The following MARF1 variants were observed in gnomAD, a reference collection of about 807,000 sequenced individuals.
MARF1 encodes the protein limkain-b1.
MARF1 carries 24 observed loss-of-function variants against 168.2 expected under a neutral mutation model. The ratio of observed to expected loss-of-function variants is 0.14; its 90% CI spans 0.10 to 0.20. The LOEUF is 0.20. Ranked by LOEUF, MARF1 falls within the 10% of genes least tolerant of loss-of-function variation. The probability of loss-of-function intolerance (pLI) is 1.00; values close to 1 mark genes in which losing one functional copy is unlikely to be tolerated. For missense variants in MARF1, 1,744 were observed against 2,143.6 expected, an observed-to-expected ratio of 0.81 and a Z score of 3.68; for synonymous variants, 868 against 822.4, an observed-to-expected ratio of 1.06 and a Z score of -0.95.
At chr16:15,629,471 C>T (rs34905619) in intron 7 of MARF1, among the ~76,000 whole-genome samples, 2,179 of 152,266 alleles carry the variant, frequency 0.014, 38 homozygotes, top group African/African-American at 0.035. Flanking sequence ...ACCAATGACA[C>T]GTTTACTTTT....
intron 17 of MARF1, among the ~76,000 whole-genome samples, chr16:15,612,144 G>A (rs1567547362): frequency 6.6e-6 from 1 of 152,186 alleles, no homozygotes; most frequent in East Asian, 1.9e-4. Context: ...AGGATCCAGT[G>A]CTACACTCTA....
chr16:15,607,471 C>T (rs558818716), intron 21 of MARF1, among the ~76,000 whole-genome samples: 1 of 152,238 alleles, frequency 6.6e-6, no homozygotes, highest in East Asian at 1.9e-4. Context: ...ATCTCTTGAA[C>T]CTGGGAGGCG....
At position 15,608,502 on chromosome 16, in the gene MARF1, T is replaced by A; in HGVS notation, c.3971A>T (p.Glu1324Val). 1 of 1,613,684 alleles carries A rather than the reference T, an allele frequency of 6.2e-7. No homozygotes were observed. The highest frequency in any genetic ancestry group is 1.3e-5 in the African/African-American group (1 of 74,988). The change falls in exon 21 of 27, where the codon GAA becomes GTA. Residue 1324 changes from glutamate (E) to valine (V), a missense_variant. Transcript: ENST00000396368. ...CTCTGTCAGAGTAAGGATCTTTTCT[T>A]CTCCACATTCCAATACCTTTGAAAA... ...PDTLQVLECG[E>V]EKILTLTEVE...
At chr16:15,608,597 C>T in intron 20 of MARF1, 79 bp from the exon 21 acceptor site, 1 of 1,017,838 alleles carries the variant, frequency 9.8e-7, no homozygotes, top group Non-Finnish European at 1.5e-6. Context: ...AAGTATGCAG[C>T]TAGTAATGAA....
At chr16:15,620,661 A>G in intron 12 of MARF1, 130 bp from the exon 13 acceptor site, 1 of 597,580 alleles carries the variant, frequency 1.7e-6, no homozygotes, top group Non-Finnish European at 2.9e-6. Flanking sequence ...GTCAGAATGT[A>G]TTTTCCAGAA....
rs1050327142 is a variant in MARF1 at position 15,620,193 on chromosome 16, C to CA, written c.2720+257dup. Reference sequence around the variant, plus strand: ...AAAAATTAAAAAACAAACAAACAAACAAAAAAAACAAACTAAAGCTAGTCA... The same window carrying CA: ...AAAAATTAAAAAACAAACAAACAAACAAAAAAAAACAAACTAAAGCTAGTCA... On this transcript the variant is annotated intron_variant, in intron 13 of 26. Transcript: ENST00000396368. Among the ~76,000 whole-genome samples the CA allele has an allele frequency of 5.8e-4, 88 of 151,682 alleles. No individual in the cohort carries two copies. In the South Asian group the frequency reaches 0.014, roughly 24 times the overall value.
intron 21 of MARF1, 29 bp downstream of exon 21, chr16:15,608,260 GAA>G (rs748965777): frequency 0.04 from 31,662 of 790,012 alleles, no homozygotes; most frequent in Middle Eastern, 0.051. Context: ...TCCCATGAGG[GAA>G]AAAAAAAAAA....
chr16:15,614,168 T>G (rs2151131408), intron 16 of MARF1, among the ~76,000 whole-genome samples: 1 of 152,258 alleles, frequency 6.6e-6, no homozygotes, highest in Non-Finnish European at 1.5e-5. Context: ...TTCAAATACC[T>G]GAAAGTACTT....
intron 7 of MARF1, among the ~76,000 whole-genome samples, chr16:15,629,581 T>G (rs2035111705): frequency 6.6e-6 from 1 of 152,248 alleles, no homozygotes; most frequent in African/African-American, 2.4e-5. Context: ...ATGTGAAGAC[T>G]TTCATTTAAC....
chr16:15,594,847 G>C lies in MARF1; in HGVS notation c.*1846C>G, dbSNP rs2031529677. 1 of 152,568 alleles carries C rather than the reference G, an allele frequency of 6.6e-6. No individual in the cohort carries two copies. Among genetic ancestry groups the C allele is most frequent in the African/African-American group, 2.4e-5 (1 of 41,412 alleles). 9.5% of individuals were successfully genotyped at this position (152,568 alleles called of 1,614,324 possible). On this transcript the variant is annotated 3_prime_UTR_variant, in exon 27 of 27. Coordinates refer to ENST00000396368, the MANE Select transcript of MARF1 (RefSeq NM_014647.4). ...GAATGGTACTCAGACACACTCACGG[G>C]ACAGCACAGAACTTGATTCTTCTTT...
intron 26 of MARF1, among the ~76,000 whole-genome samples, chr16:15,598,576 G>C (rs1340916319): frequency 6.6e-6 from 1 of 152,058 alleles, no homozygotes; most frequent in Non-Finnish European, 1.5e-5. Context: ...AAGCCCAGGA[G>C]GCCCCACCCA....
chr16:15,596,760 T>C lies in MARF1; in HGVS notation c.5162A>G (p.Lys1721Arg), dbSNP rs759860751. 7 of 1,612,350 alleles carry C rather than the reference T, an allele frequency of 4.3e-6. 1 individual carries two copies. The South Asian group carries it at 7.7e-5, about 18-fold the overall frequency. The change falls in exon 27 of 27, where the codon AAA (lysine) becomes AGA (arginine). Residue 1721 changes from lysine (K) to arginine (R), a missense_variant. Lys to Arg is a conservative substitution (Grantham distance 26). Coordinates refer to ENST00000396368, the MANE Select transcript of MARF1 (RefSeq NM_014647.4). ...LSKDPVESPA[K>R]KQPKNRVKLA... Reference sequence around the variant, plus strand: ...TTTGACTCTATTTTTGGGTTGCTTTTTGGCCGGGCTTTCCACGGGGTCCTT... The same window carrying C: ...TTTGACTCTATTTTTGGGTTGCTTTCTGGCCGGGCTTTCCACGGGGTCCTT...
rs2034110682 is a variant in MARF1, at chr16:15,617,049, C to T, written c.3077+3G>A. ...TATCGACAAAGGCTTTGAGATGGTT[C>T]ACCTCAATAAAGGCACGGTGCCCTC... On this transcript the variant is annotated splice_donor_region_variant and intron_variant, in intron 15 of 26. Transcript: ENST00000396368. The T allele has an allele frequency of 6.2e-7, 1 of 1,609,742 alleles. No individual in the cohort carries two copies. The highest frequency in any genetic ancestry group is 1.1e-5 in the South Asian group (1 of 90,166).
At chr16:15,631,174 C>T (rs1170694435) in intron 6 of MARF1, among the ~76,000 whole-genome samples, 1 of 152,028 alleles carries the variant, frequency 6.6e-6, no homozygotes, top group African/African-American at 2.4e-5. Context: ...AAACCTGGTC[C>T]CACAATAACT....
intron 5 of MARF1, among the ~76,000 whole-genome samples, chr16:15,631,761 G>A (rs892240698): frequency 1.3e-5 from 2 of 151,880 alleles, no homozygotes; most frequent in Non-Finnish European, 2.9e-5. Context: ...AACCCCGACA[G>A]ACAGACCCCA....
intron 4 of MARF1, 47 bp downstream of exon 4, chr16:15,634,710 T>C (rs754799519): frequency 1.3e-6 from 2 of 1,563,144 alleles, no homozygotes; most frequent in South Asian, 1.2e-5. Flanking sequence ...GTATGAGATA[T>C]TGAAAGCTAT....
chr16:15,610,226 G>A (rs1020020445), intron 19 of MARF1: 1 of 153,620 alleles, frequency 6.5e-6, no homozygotes, highest in Non-Finnish European at 1.4e-5. Flanking sequence ...CTTAAGCTGA[G>A]ATTGTTTCTA....
chr16:15,598,934 G>C lies in MARF1; in HGVS notation c.4904C>G (p.Ser1635Cys), dbSNP rs753654896. Residue 1635 changes from serine to cysteine, a missense_variant, in exon 26 of 27, where the codon TCC becomes TGC. Ser to Cys is a moderately radical substitution (Grantham distance 112). Transcript: ENST00000396368. The part of the protein sequence containing the change: ...LCAPVPSCLP[S>C]PQLRPDPVIL... The stretch of plus-strand genomic sequence containing the variant: ...AACGGGGTCTGGTCTCAGCTGAGGG[G>C]ACGGCAGGCACGAGGGGACAGGCGC... 6.2e-7 allele frequency: 1 copy of C among 1,613,746 alleles called. No homozygotes were observed. Among genetic ancestry groups the C allele is most frequent in the Non-Finnish European group, 8.5e-7 (1 of 1,179,970 alleles).
chr16:15,608,586 AAAG>A (rs2033234808), intron 20 of MARF1, 68 bp from the exon 21 acceptor site: 2 of 1,117,062 alleles, frequency 1.8e-6, no homozygotes, highest in East Asian at 5.0e-5. Context: ...AATAGCAAAA[AAAG>A]TATGCAGCTA....
Sources: allele counts gnomAD v4.1 joint callset (sites outside exome capture counted in the v4.1 genomes callset), GRCh38; gene constraint gnomAD v4.1.1; transcripts MANE v1.5; gene names NCBI Gene and HGNC (gene_info 2026-07-23, HGNC 2026-07-21).